KCNK9: variants seen among roughly 807,000 people sequenced by gnomAD.
The protein encoded by KCNK9 is potassium channel subfamily K member 9.
In KCNK9, 1 loss-of-function variant was observed where a neutral mutation model predicts 10.8. That is an observed-to-expected ratio of 0.09 (90% CI 0.03 to 0.44). The LOEUF is 0.44. Among genes scored for constraint, KCNK9 ranks in the 20% least tolerant of loss-of-function variants. The pLI, the probability that KCNK9 is intolerant of heterozygous loss-of-function variation, is 0.97. For synonymous variants in KCNK9, 231 were observed against 222.7 expected (o/e 1.04, Z -0.33); for missense variants, 303 against 515.0 (o/e 0.59, Z 3.98).
At chr8:139,688,156 C>T (rs1207064312) in intron 1 of KCNK9, among the ~76,000 whole-genome samples, 1 of 152,072 alleles carries the variant, frequency 6.6e-6, no homozygotes, top group Non-Finnish European at 1.5e-5. Flanking sequence ...CACCCATACC[C>T]TACAAATAAG....
Position 139,644,715 on chromosome 8 carries a change from TC to T in KCNK9, c.284-25617del, listed in dbSNP as rs10577985. 1.8e-3 allele frequency among the ~76,000 whole-genome samples: 243 copies of T among 132,466 alleles called. 1 individual carries two copies. The highest frequency in any genetic ancestry group is 5.6e-3 in the African/African-American group (205 of 36,440). The allele number at this position is 132,466 out of a possible 152,430, so 86.9% of individuals were successfully genotyped here. A position where few individuals can be genotyped will look rare whatever the true frequency, so the allele number is the denominator to read the frequency against. On this transcript the variant is annotated intron_variant, in intron 1 of 1. Transcript: ENST00000520439. ...TGCTCCCTGGGGTGCTCCTGCCCTGTCCCCCCCCCCCAGAGCCTCCCACTGC... is the reference window on the plus strand; with the variant it reads ...TGCTCCCTGGGGTGCTCCTGCCCTGTCCCCCCCCCCAGAGCCTCCCACTGC...
downstream of KCNK9, among the ~76,000 whole-genome samples, chr8:139,610,441 C>G (rs772119430): frequency 5.3e-5 from 8 of 152,196 alleles, no homozygotes; most frequent in Non-Finnish European, 8.8e-5. Flanking sequence ...ACAGCATTTT[C>G]CTTTTGTTAG....
At chr8:139,666,718 G>T (rs571886710) in intron 1 of KCNK9, among the ~76,000 whole-genome samples, 1 of 152,374 alleles carries the variant, frequency 6.6e-6, no homozygotes, top group Admixed American at 6.5e-5. Context: ...TGCATGGAAA[G>T]CTCTAGATCC....
intron 1 of KCNK9, among the ~76,000 whole-genome samples, chr8:139,687,477 T>TTC (rs1816826485): frequency 9.6e-6 from 1 of 104,176 alleles, no homozygotes; most frequent in Admixed American, 1.1e-4. Context: ...TTCATATATA[T>TTC]GTATACATAT....
chr8:139,679,176 C>T (rs187047177), intron 1 of KCNK9, among the ~76,000 whole-genome samples: 2 of 152,330 alleles, frequency 1.3e-5, no homozygotes, highest in Non-Finnish European at 2.9e-5. Context: ...GGAGTGGCCA[C>T]GTGACCCACT....
intron 2 of KCNK9, among the ~76,000 whole-genome samples, chr8:139,602,858 T>C (rs1284864887): frequency 6.6e-6 from 1 of 152,242 alleles, no homozygotes; most frequent in Non-Finnish European, 1.5e-5. Flanking sequence ...ATTTTCCACT[T>C]GCAGAAAGGG....
downstream of KCNK9, chr8:139,616,277 C>A (rs1814586696): frequency 6.6e-6 from 1 of 152,070 alleles, no homozygotes; most frequent in South Asian, 2.1e-4. Flanking sequence ...ACAATCTCAT[C>A]CAAGAGGAAA....
At chr8:139,626,467 G>A (rs1033704813) in intron 1 of KCNK9, among the ~76,000 whole-genome samples, 1 of 152,216 alleles carries the variant, frequency 6.6e-6, no homozygotes, top group Non-Finnish European at 1.5e-5. Context: ...GTGGGGTGGA[G>A]TGGAGGAGCT....
At chr8:139,687,087 T>G (rs1468750720) in intron 1 of KCNK9, among the ~76,000 whole-genome samples, 1 of 151,808 alleles carries the variant, frequency 6.6e-6, no homozygotes. Context: ...CAAGAGATGG[T>G]TCTTTTAAAA....
intron 1 of KCNK9, among the ~76,000 whole-genome samples, chr8:139,634,509 C>T (rs888204930): frequency 6.6e-6 from 1 of 152,180 alleles, no homozygotes; most frequent in African/African-American, 2.4e-5. Flanking sequence ...GAGATGCCCC[C>T]AAGCGCTCAC....
At position 139,617,648 on chromosome 8, in the gene KCNK9, A is replaced by T. The variant is rs1254827029; in HGVS notation, c.*610T>A. On this transcript the variant is annotated 3_prime_UTR_variant, in exon 2 of 2. Coordinates refer to ENST00000520439, the MANE Select transcript of KCNK9 (RefSeq NM_001282534.2). Reference sequence around the variant, plus strand: ...TTTGGCAAAATACGATAAATCAAAAACCTTGTGGGTTTTGTCTTCCCGTTT... The same window carrying T: ...TTTGGCAAAATACGATAAATCAAAATCCTTGTGGGTTTTGTCTTCCCGTTT... Among the ~76,000 whole-genome samples, 1 of 152,184 alleles carries T rather than the reference A, an allele frequency of 6.6e-6. No homozygotes were observed. The highest frequency in any genetic ancestry group is 1.5e-5 in the Non-Finnish European group (1 of 68,038).
At chr8:139,627,195 A>C (rs747005650) in intron 1 of KCNK9, among the ~76,000 whole-genome samples, 29 of 152,190 alleles carry the variant, frequency 1.9e-4, no homozygotes, top group Non-Finnish European at 1.0e-4. Flanking sequence ...CTCCAGTGGC[A>C]CAGCACTTTA....
At chr8:139,701,919 C>G (rs1185256432) in intron 1 of KCNK9, among the ~76,000 whole-genome samples, 1 of 152,170 alleles carries the variant, frequency 6.6e-6, no homozygotes, top group Non-Finnish European at 1.5e-5. Flanking sequence ...CCAGCTGGAC[C>G]CCCTCTCGTG....
chr8:139,663,958 A>G (rs1434938728), intron 1 of KCNK9, among the ~76,000 whole-genome samples: 2 of 152,208 alleles, frequency 1.3e-5, no homozygotes, highest in African/African-American at 2.4e-5. Context: ...GAAATAACAC[A>G]TCGGGGCCTG....
chr8:139,603,670 G>C (rs1403513268), intron 2 of KCNK9, among the ~76,000 whole-genome samples: 1 of 152,184 alleles, frequency 6.6e-6, no homozygotes, highest in Non-Finnish European at 1.5e-5. Context: ...AGGAAGACGA[G>C]GCATCAGAGC....
At chr8:139,655,191 G>T (rs187217805) in intron 1 of KCNK9, among the ~76,000 whole-genome samples, 2 of 152,104 alleles carry the variant, frequency 1.3e-5, no homozygotes, top group Non-Finnish European at 2.9e-5. Flanking sequence ...GCAGACCCCT[G>T]TGGCCTCGGG....
chr8:139,604,077 G>T (rs895022926), intron 2 of KCNK9, among the ~76,000 whole-genome samples: 1 of 152,218 alleles, frequency 6.6e-6, no homozygotes, highest in East Asian at 1.9e-4. Context: ...TGCAGGCCGT[G>T]AGACTAATGT....
downstream of KCNK9, among the ~76,000 whole-genome samples, chr8:139,615,518 C>CCAT (rs1814561210): frequency 6.6e-6 from 1 of 152,068 alleles, no homozygotes; most frequent in African/African-American, 2.4e-5. Flanking sequence ...AAGAGATGGA[C>CCAT]CATCTGAGCA....
rs150970214 is a variant in KCNK9 at position 139,674,659 on chromosome 8, G to A, written c.283+28051C>T. ...CCCTCATGCCTCTGCAGTGCCTCACGGGGCCAGACGGTCTCTCCCCTCTTC... is the reference window on the plus strand; with the variant it reads ...CCCTCATGCCTCTGCAGTGCCTCACAGGGCCAGACGGTCTCTCCCCTCTTC... On this transcript the variant is annotated intron_variant, in intron 1 of 1. Transcript: ENST00000520439. Among the ~76,000 whole-genome samples, 1,411 of 152,268 alleles carry A rather than the reference G, an allele frequency of 9.3e-3. 11 individuals are homozygous for A. Among genetic ancestry groups the A allele is most frequent in the Non-Finnish European group, 0.014 (964 of 68,012 alleles).
Sources: allele counts gnomAD v4.1 joint callset (sites outside exome capture counted in the v4.1 genomes callset), GRCh38; gene constraint gnomAD v4.1.1; transcripts MANE v1.5; gene names NCBI Gene and HGNC (gene_info 2026-07-23, HGNC 2026-07-21).